Variants in GPC6 observed in about 807,000 individuals in gnomAD.
The protein encoded by GPC6 is glypican 6.
Under a neutral mutation model 55.2 loss-of-function variants are expected in GPC6, and 14 were observed. The ratio of observed to expected loss-of-function variants is 0.25; its 90% confidence interval spans 0.17 to 0.40. The LOEUF (loss-of-function observed/expected upper bound fraction) is 0.40. GPC6 is among the 10% of genes least tolerant of loss of function. The pLI, the probability that GPC6 is intolerant of heterozygous loss-of-function variation, is 1.00. For missense variants in GPC6, 641 were observed against 708.5 expected, an observed-to-expected ratio of 0.90 and a Z score of 1.08; for synonymous variants, 278 against 259.6, an observed-to-expected ratio of 1.07 and a Z score of -0.68.
intron 3 of GPC6, among the ~76,000 whole-genome samples, chr13:93,923,037 C>T (rs1367865668): frequency 6.6e-6 from 1 of 152,074 alleles, no homozygotes; most frequent in East Asian, 1.9e-4. Context: ...TTATGACAGA[C>T]CAGACAGATG....
At chr13:93,679,886 T>A (rs1881785206) in intron 2 of GPC6, among the ~76,000 whole-genome samples, 1 of 151,788 alleles carries the variant, frequency 6.6e-6, no homozygotes, top group African/African-American at 2.4e-5. Context: ...ACACATATTA[T>A]TATAATTATA....
At chr13:93,507,880 GA>G (rs796577759) in intron 1 of GPC6, among the ~76,000 whole-genome samples, 164 of 143,120 alleles carry the variant, frequency 1.1e-3, no homozygotes, top group East Asian at 5.4e-3. Flanking sequence ...CTAAGCATAT[GA>G]AAAAAAAAAA....
chr13:94,106,595 G>A (rs922699594), intron 4 of GPC6, among the ~76,000 whole-genome samples: 1 of 152,002 alleles, frequency 6.6e-6, no homozygotes, highest in African/African-American at 2.4e-5. Context: ...GACGAGCAAT[G>A]CATATTATTT....
intron 3 of GPC6, among the ~76,000 whole-genome samples, chr13:93,947,719 T>C (rs918657941): frequency 1.3e-5 from 2 of 151,946 alleles, no homozygotes; most frequent in Admixed American, 6.6e-5. Context: ...AAGTGGTTTC[T>C]TTTTTTTCCT....
In GPC6 at chr13:94,128,641, C is replaced by T. The variant is rs187812327; in HGVS notation, c.877+100747C>T. Among the ~76,000 whole-genome samples, 423 of 152,224 alleles carry T rather than the reference C, an allele frequency of 2.8e-3. 5 individuals are homozygous for T. Among genetic ancestry groups the T allele is most frequent in the Non-Finnish European group, 4.6e-3 (314 of 68,008 alleles). The stretch of plus-strand genomic sequence containing the variant: ...GCTTGGAAGTGACAGAGTGTTACAA[C>T]TCGCTGGCCAGGACAATTTACTTGG... On this transcript the variant is annotated intron_variant, in intron 4 of 8. Transcript: ENST00000377047.
At chr13:94,224,423 A>G (rs748001113) in intron 4 of GPC6, among the ~76,000 whole-genome samples, 2 of 152,048 alleles carry the variant, frequency 1.3e-5, no homozygotes, top group Non-Finnish European at 2.9e-5. Flanking sequence ...CATTTAGTCC[A>G]TCCCTAATAA....
chr13:93,797,406 C>T (rs767334384), intron 2 of GPC6, among the ~76,000 whole-genome samples: 1 of 152,098 alleles, frequency 6.6e-6, no homozygotes, highest in East Asian at 1.9e-4. Context: ...ATACGCACAA[C>T]GTTCAGAAAA....
chr13:93,346,773 G>A (rs1880444949), intron 1 of GPC6, among the ~76,000 whole-genome samples: 1 of 152,146 alleles, frequency 6.6e-6, no homozygotes, highest in Admixed American at 6.6e-5. Flanking sequence ...TAGTTCCATA[G>A]TTTGAATTTA....
intron 6 of GPC6, among the ~76,000 whole-genome samples, chr13:94,369,746 C>G (rs567648860): frequency 6.6e-6 from 1 of 152,230 alleles, no homozygotes; most frequent in African/African-American, 2.4e-5. Context: ...AGATCTCTCT[C>G]TCTCTCTTGC....
intron 3 of GPC6, among the ~76,000 whole-genome samples, chr13:93,866,450 A>G (rs1172563201): frequency 2.0e-5 from 3 of 151,800 alleles, no homozygotes; most frequent in Non-Finnish European, 4.4e-5. Context: ...TCGCAATAGC[A>G]AAGACATGGA....
intron 3 of GPC6, among the ~76,000 whole-genome samples, chr13:93,917,774 C>T (rs1053433320): frequency 7.9e-5 from 12 of 152,128 alleles, no homozygotes; most frequent in East Asian, 1.9e-4. Flanking sequence ...CATAAATCTG[C>T]GTAAGTGTCA....
chr13:93,795,636 A>G (rs1467190138), intron 2 of GPC6, among the ~76,000 whole-genome samples: 1 of 152,244 alleles, frequency 6.6e-6, no homozygotes, highest in African/African-American at 2.4e-5. Flanking sequence ...AGACACTTAT[A>G]AATAAGATAG....
At position 94,027,769 on chromosome 13, in the gene GPC6, T is replaced by G; in HGVS notation, c.752T>G (p.Met251Arg). Reference sequence around the variant, plus strand: ...GGGTGTATCCGTGCCCTCATGAAGATGCTGTACTGCCCATACTGTCGGGGG... The same window carrying G: ...GGGTGTATCCGTGCCCTCATGAAGAGGCTGTACTGCCCATACTGTCGGGGG... ...TPGCIRALMK[M>R]LYCPYCRGLP... The change falls in exon 4 of 9, where the codon ATG becomes AGG. Residue 251 changes from methionine (M) to arginine (R), a missense_variant. Met to Arg is a moderately conservative substitution (Grantham distance 91). Coordinates refer to ENST00000377047, the MANE Select transcript of GPC6 (RefSeq NM_005708.5). 6.2e-7 allele frequency: 1 copy of G among 1,614,146 alleles called. No individual in the cohort carries two copies. Among genetic ancestry groups the G allele is most frequent in the Non-Finnish European group, 8.5e-7 (1 of 1,180,014 alleles).
At chr13:93,361,586 A>C (rs1019594772) in intron 1 of GPC6, among the ~76,000 whole-genome samples, 4 of 152,212 alleles carry the variant, frequency 2.6e-5, no homozygotes, top group African/African-American at 9.7e-5. Flanking sequence ...TAAATCTTCT[A>C]TAATAAACAG....
intron 3 of GPC6, among the ~76,000 whole-genome samples, chr13:93,884,319 A>C (rs1001965336): frequency 2.0e-5 from 3 of 152,242 alleles, no homozygotes; most frequent in Admixed American, 2.0e-4. Flanking sequence ...GTTTCTGTAG[A>C]ATATGTAGAA....
chr13:94,093,461 C>T (rs545730106), intron 4 of GPC6, among the ~76,000 whole-genome samples: 27 of 151,974 alleles, frequency 1.8e-4, no homozygotes, highest in African/African-American at 4.3e-4. Context: ...TGTTGGTTTA[C>T]GTATCTATTT....
chr13:94,119,923 G>A (rs765063899), intron 4 of GPC6, among the ~76,000 whole-genome samples: 7 of 151,978 alleles, frequency 4.6e-5, no homozygotes, highest in Non-Finnish European at 8.8e-5. Context: ...GAAGTGCAGC[G>A]GTACCAACGC....
intron 2 of GPC6, among the ~76,000 whole-genome samples, chr13:93,777,107 C>G (rs1885495800): frequency 6.6e-6 from 1 of 152,194 alleles, no homozygotes; most frequent in Non-Finnish European, 1.5e-5. Context: ...TGACCTCAGT[C>G]CTGTTATGTA....
At chr13:93,528,194 A>T (rs936903265) in intron 1 of GPC6, among the ~76,000 whole-genome samples, 2 of 152,176 alleles carry the variant, frequency 1.3e-5, no homozygotes, top group African/African-American at 4.8e-5. Context: ...ATAGTTTAGT[A>T]AGAATGCTGA....
Sources: allele counts gnomAD v4.1 joint callset (sites outside exome capture counted in the v4.1 genomes callset), GRCh38; gene constraint gnomAD v4.1.1; transcripts MANE v1.5; gene names NCBI Gene and HGNC (gene_info 2026-07-23, HGNC 2026-07-21).